Variants in ZFHX4 observed in about 807,000 individuals in gnomAD.
ZFHX4 encodes zinc finger homeobox protein 4.
ZFHX4 carries 56 observed loss-of-function variants against 267.6 expected under a neutral mutation model. That is an observed-to-expected ratio of 0.21 (90% CI 0.17 to 0.26). The LOEUF (loss-of-function observed/expected upper bound fraction) is 0.26. Among genes scored for constraint, ZFHX4 ranks in the 10% least tolerant of loss-of-function variants. ZFHX4 has a pLI of 1.00. For synonymous variants in ZFHX4, 1,778 were observed against 1,665.6 expected (o/e 1.07, Z -1.64); for missense variants, 4,332 against 4,420.0 (o/e 0.98, Z 0.56).
chr8:76,834,208 C>G (rs931541214), intron 5 of ZFHX4: 4 of 409,210 alleles, frequency 9.8e-6, no homozygotes, highest in African/African-American at 8.3e-5. Flanking sequence ...GGTGTCCAGG[C>G]TTTTGTGTGG....
chr8:76,720,539 A>G (rs193286446), intron 3 of ZFHX4, among the ~76,000 whole-genome samples: 10 of 152,300 alleles, frequency 6.6e-5, no homozygotes, highest in Non-Finnish European at 1.3e-4. Flanking sequence ...ATAGCAGTGA[A>G]ACAGCTGGAT....
chr8:76,773,232 T>C (rs541712788), intron 3 of ZFHX4, among the ~76,000 whole-genome samples: 1 of 152,230 alleles, frequency 6.6e-6, no homozygotes, highest in South Asian at 2.1e-4. Context: ...AAATTTAATA[T>C]AGAAGGACCC....
At chr8:76,792,909 T>C (rs1810876027) in intron 4 of ZFHX4, among the ~76,000 whole-genome samples, 1 of 152,138 alleles carries the variant, frequency 6.6e-6, no homozygotes, top group Non-Finnish European at 1.5e-5. Context: ...TTAGGGGCAG[T>C]TCCTTTGAGT....
At position 76,863,583 on chromosome 8, in the gene ZFHX4, T is replaced by C. The variant is rs1428613795; in HGVS notation, c.9869T>C (p.Val3290Ala). The part of the protein sequence containing the change: ...GTVQGGYFPP[V>A]CGMESLFPYG... ...GTGCAGGGGGGATACTTCCCACCTGTCTGTGGCATGGAGAGCCTCTTTCCT... is the reference window on the plus strand; with the variant it reads ...GTGCAGGGGGGATACTTCCCACCTGCCTGTGGCATGGAGAGCCTCTTTCCT... Residue 3290 changes from valine (V) to alanine (A), a missense_variant, in exon 11 of 11, where the codon GTC becomes GCC. Around this residue, in one of 7 missense-constraint regions of ZFHX4, gnomAD observed 1,648 missense variants for 1,625.0 expected, o/e 1.01. Coordinates refer to ENST00000651372, the MANE Select transcript of ZFHX4 (RefSeq NM_024721.5). 6.2e-7 allele frequency: 1 copy of C among 1,613,842 alleles called. No individual in the cohort carries two copies. The highest frequency in any genetic ancestry group is 8.5e-7 in the Non-Finnish European group (1 of 1,179,832).
intron 10 of ZFHX4, among the ~76,000 whole-genome samples, chr8:76,862,673 G>C (rs182672887): frequency 6.6e-6 from 1 of 152,280 alleles, no homozygotes; most frequent in Admixed American, 6.5e-5. Context: ...AACTGCTCAA[G>C]TGAAGGACGG....
chr8:76,713,687 A>G (rs980755571), intron 3 of ZFHX4, among the ~76,000 whole-genome samples: 4 of 152,194 alleles, frequency 2.6e-5, no homozygotes, highest in African/African-American at 9.6e-5. Context: ...ATTAAGGGGA[A>G]TGAAGCCTTT....
At chr8:76,839,414 A>G (rs1236057812) in intron 5 of ZFHX4, among the ~76,000 whole-genome samples, 2 of 152,156 alleles carry the variant, frequency 1.3e-5, no homozygotes, top group Non-Finnish European at 2.9e-5. Flanking sequence ...ACATGTAAAA[A>G]TGAATATGTA....
At chr8:76,725,801 G>A (rs1017943001) in intron 3 of ZFHX4, among the ~76,000 whole-genome samples, 2 of 152,096 alleles carry the variant, frequency 1.3e-5, no homozygotes, top group Non-Finnish European at 2.9e-5. Context: ...GCACTGCTAT[G>A]ACAAATATAT....
Position 76,821,060 on chromosome 8 carries a change from C to T in ZFHX4, c.3326-12278C>T, listed in dbSNP as rs146702396. On this transcript the variant is annotated intron_variant, in intron 4 of 10. Transcript: ENST00000651372. ...TAATCCTGCTTCAGGATGATAAGCC[C>T]TAGTCTCAATTTCATTGACTTTTGT... Among the ~76,000 whole-genome samples, 507 of 152,268 alleles carry T rather than the reference C, an allele frequency of 3.3e-3. 1 individual carries two copies. The highest frequency in any genetic ancestry group is 0.011 in the African/African-American group (475 of 41,562).
intron 10 of ZFHX4, among the ~76,000 whole-genome samples, chr8:76,857,019 A>C (rs1812747651): frequency 6.6e-6 from 1 of 152,154 alleles, no homozygotes; most frequent in South Asian, 2.1e-4. Context: ...GCCCCAGCTA[A>C]AGTTTCTACT....
chr8:76,772,572 G>A (rs1371833270), intron 3 of ZFHX4, among the ~76,000 whole-genome samples: 1 of 152,032 alleles, frequency 6.6e-6, no homozygotes, highest in Non-Finnish European at 1.5e-5. Context: ...ACTGTATTTT[G>A]ACTCCCAGGA....
Position 76,853,341 on chromosome 8 carries a change from G to A in ZFHX4, c.6420G>A (p.Gln2140=), listed in dbSNP as rs575188671. The part of the protein sequence containing the change: ...KRPRTRITDD[Q]LKILRAYFDI... ...CACGGACAAGAATTACAGATGATCA[G>A]CTAAAAATCCTGAGGGCTTATTTTG... Residue 2140 remains glutamine, a synonymous_variant, in exon 10 of 11, where the codon CAG becomes CAA. Coordinates refer to ENST00000651372, the MANE Select transcript of ZFHX4 (RefSeq NM_024721.5). 6.7e-5 allele frequency: 108 copies of A among 1,613,728 alleles called. No homozygotes were observed. The Middle Eastern group carries it at 2.0e-3, about 30-fold the overall frequency.
intron 3 of ZFHX4, among the ~76,000 whole-genome samples, chr8:76,719,150 ATGTGTGTGTGTGTG>A (rs10589034): frequency 1.2e-4 from 16 of 134,380 alleles, no homozygotes; most frequent in Non-Finnish European, 2.5e-4. Flanking sequence ...GATGAATTGC[ATGTGTGTGTGTGTG>A]TGTGTGTGTG....
At chr8:76,850,704 T>G (rs1179478235) in intron 9 of ZFHX4, among the ~76,000 whole-genome samples, 182 bp from the exon 10 acceptor site, 1 of 152,188 alleles carries the variant, frequency 6.6e-6, no homozygotes, top group Non-Finnish European at 1.5e-5. Flanking sequence ...GGTGATTTCT[T>G]GTTTGCCTTT....
At chr8:76,714,182 G>T (rs551744693) in intron 3 of ZFHX4, among the ~76,000 whole-genome samples, 2 of 152,300 alleles carry the variant, frequency 1.3e-5, no homozygotes, top group African/African-American at 4.8e-5. Flanking sequence ...CTCCCTGTGT[G>T]TTTCTGTGGC....
At chr8:76,768,003 C>A (rs1810095650) in intron 3 of ZFHX4, among the ~76,000 whole-genome samples, 1 of 152,102 alleles carries the variant, frequency 6.6e-6, no homozygotes, top group African/African-American at 2.4e-5. Context: ...TAAAGGAGGA[C>A]AAGGATACCT....
At chr8:76,760,043 C>G (rs1319159745) in intron 3 of ZFHX4, among the ~76,000 whole-genome samples, 1 of 152,126 alleles carries the variant, frequency 6.6e-6, no homozygotes, top group Non-Finnish European at 1.5e-5. Flanking sequence ...AGCAATCACC[C>G]AGTCCACTAA....
chr8:76,850,170 A>T, intron 8 of ZFHX4, 75 bp from the exon 9 acceptor site: 2 of 1,204,174 alleles, frequency 1.7e-6, no homozygotes, highest in Non-Finnish European at 2.4e-6. Context: ...GGGATATGCT[A>T]CCAGCAAAAG....
At chr8:76,863,055 G>T (rs1322236818) in intron 10 of ZFHX4, 39 bp from the exon 11 acceptor site, 1 of 1,479,984 alleles carries the variant, frequency 6.8e-7, no homozygotes, top group South Asian at 1.4e-5. Flanking sequence ...ATGTTGGTCT[G>T]TACATTGACA....
Sources: gnomAD v4.1 joint callset for allele counts (sites outside exome capture counted in the v4.1 genomes callset) on GRCh38, gnomAD v4.1.1 for gene constraint, gnomAD v4.1.1 regional missense constraint, MANE v1.5 for transcripts, NCBI Gene and HGNC (gene_info 2026-07-23, HGNC 2026-07-21) for gene names.